The following GALNT2 variants were observed in gnomAD, a reference collection of about 807,000 sequenced individuals.
The protein encoded by GALNT2 is UDP-GalNAc:polypeptide N-acetylgalactosaminyltransferase 2.
GALNT2 carries 31 observed loss-of-function variants against 81.4 expected under a neutral mutation model. That is an observed-to-expected ratio of 0.38 (90% CI 0.29 to 0.51). The LOEUF (loss-of-function observed/expected upper bound fraction) is 0.51, where lower values mean the gene tolerates loss of function less well. Ranked by LOEUF, GALNT2 falls within the 20% of genes least tolerant of loss-of-function variation. The pLI is 0.87. For missense variants in GALNT2, 629 were observed against 765.7 expected, an observed-to-expected ratio of 0.82 and a Z score of 2.11; for synonymous variants, 303 against 287.4, an observed-to-expected ratio of 1.05 and a Z score of -0.55.
chr1:230,116,410 A>T (rs1660848583), intron 1 of GALNT2, among the ~76,000 whole-genome samples: 1 of 152,100 alleles, frequency 6.6e-6, no homozygotes, highest in South Asian at 2.1e-4. Context: ...TTGTATTTTT[A>T]GTAGAGACGG....
chr1:230,255,056 C>T (rs1045119709), intron 10 of GALNT2, among the ~76,000 whole-genome samples, 162 bp from the exon 11 acceptor site: 1 of 152,204 alleles, frequency 6.6e-6, no homozygotes, highest in Non-Finnish European at 1.5e-5. Context: ...GCATCAGGTT[C>T]TGGAAGGAGG....
chr1:230,067,545 C>G (rs1264375874), intron 1 of GALNT2, 139 bp downstream of exon 1: 7 of 290,510 alleles, frequency 2.4e-5, no homozygotes, highest in Non-Finnish European at 4.3e-5. Context: ...TCCCGGGCCT[C>G]CGCGCCGAGT....
chr1:230,095,509 C>T (rs10779824), intron 1 of GALNT2, among the ~76,000 whole-genome samples: 41,926 of 152,014 alleles, frequency 0.28, 5,824 homozygotes, highest in African/African-American at 0.32. Context: ...TGCTCTGTGA[C>T]GAGCCCCAGT....
chr1:230,186,634 T>C (rs1163588170), intron 2 of GALNT2, among the ~76,000 whole-genome samples: 2 of 152,214 alleles, frequency 1.3e-5, no homozygotes, highest in Non-Finnish European at 2.9e-5. Context: ...GGAAAAGCCA[T>C]CTTCAGGTCA....
In GALNT2 at chr1:230,070,015, C is replaced by T. The variant is rs974060358; in HGVS notation, c.126+2609C>T. On this transcript the variant is annotated intron_variant, in intron 1 of 15. Transcript: ENST00000366672. The surrounding 1 kb of genome is among the most constrained non-coding windows in gnomAD (Gnocchi z 4.7). ...CCAGGCTTGTCATTGTGTGCCCTGC[C>T]TGTTAAGTAACTCATCACAGAACTG... Among the ~76,000 whole-genome samples the T allele has an allele frequency of 1.3e-4, 20 of 152,136 alleles. No individual in the cohort carries two copies. The highest frequency in any genetic ancestry group is 4.8e-4 in the African/African-American group (20 of 41,412).
At chr1:230,206,534 C>T (rs6685193) in intron 3 of GALNT2, among the ~76,000 whole-genome samples, 18,298 of 152,152 alleles carry the variant, frequency 0.12, 2,288 homozygotes, top group African/African-American at 0.31. Flanking sequence ...CTAGAATTAC[C>T]ATTCTTGTTG....
rs1050247352 is a variant in GALNT2 at position 230,246,161 on chromosome 1, G to A, written c.817+11G>A. The A allele has an allele frequency of 6.2e-7, 1 of 1,604,308 alleles. No homozygotes were observed. Among genetic ancestry groups the A allele is most frequent in the Non-Finnish European group, 8.5e-7 (1 of 1,171,052 alleles). ...CTGACTTGAAGGGCGGTAGGTGTCT[G>A]TCATGGTGCCCCTGCCTAGCTCGTC... On this transcript the variant is annotated intron_variant, in intron 8 of 15. Transcript: ENST00000366672.
At chr1:230,217,742 T>C (rs1192806298) in intron 3 of GALNT2, among the ~76,000 whole-genome samples, 2 of 152,160 alleles carry the variant, frequency 1.3e-5, no homozygotes, top group Non-Finnish European at 2.9e-5. Context: ...AGGGGACAAA[T>C]GCTGTATCCT....
intron 6 of GALNT2, 116 bp downstream of exon 6, chr1:230,236,841 C>T (rs1414092118): frequency 9.9e-7 from 1 of 1,011,278 alleles, no homozygotes; most frequent in Non-Finnish European, 1.4e-6. Flanking sequence ...TTCTGTCTCC[C>T]TCTACCAGAG....
intron 8 of GALNT2, among the ~76,000 whole-genome samples, chr1:230,248,094 T>C (rs1433483851): frequency 6.6e-6 from 1 of 152,148 alleles, no homozygotes; most frequent in Non-Finnish European, 1.5e-5. Context: ...CTGAGGCCAC[T>C]CTATCCTGCA....
intron 1 of GALNT2, among the ~76,000 whole-genome samples, chr1:230,068,820 T>C (rs774641616): frequency 2.0e-5 from 3 of 152,178 alleles, no homozygotes; most frequent in Non-Finnish European, 4.4e-5. Flanking sequence ...ATTGTACTCT[T>C]AGCGTTGTTT....
At chr1:230,172,810 CTATT>C (rs1428541947) in intron 1 of GALNT2, among the ~76,000 whole-genome samples, 1 of 152,182 alleles carries the variant, frequency 6.6e-6, no homozygotes, top group Non-Finnish European at 1.5e-5. Context: ...GTTTCCATAA[CTATT>C]TAATAAACTC....
chr1:230,084,808 T>C (rs1365177885), intron 1 of GALNT2, among the ~76,000 whole-genome samples: 1 of 152,214 alleles, frequency 6.6e-6, no homozygotes, highest in Non-Finnish European at 1.5e-5. Context: ...GGTAACATGC[T>C]GTGGTTTGGC....
intron 1 of GALNT2, among the ~76,000 whole-genome samples, chr1:230,135,798 G>A (rs1661519062): frequency 6.6e-6 from 1 of 151,950 alleles, no homozygotes; most frequent in Non-Finnish European, 1.5e-5. Context: ...CAATCCTCTT[G>A]CTTCACCCTC....
Position 230,244,369 on chromosome 1 carries a change from G to A in GALNT2, c.729+942G>A, listed in dbSNP as rs189432753. ...TAATGCACGCAAAATCATACAGGTA[G>A]CAGAGCCAGGCTTGCAAAGCCAGTT... On this transcript the variant is annotated intron_variant, in intron 7 of 15. Coordinates refer to ENST00000366672, the MANE Select transcript of GALNT2 (RefSeq NM_004481.5). Among the ~76,000 whole-genome samples, 312 of 152,246 alleles carry A rather than the reference G, an allele frequency of 2.0e-3. 3 individuals carry two copies. The highest frequency in any genetic ancestry group is 0.01 in the Middle Eastern group (3 of 294).
chr1:230,248,195 A>G (rs1278539210), intron 8 of GALNT2, among the ~76,000 whole-genome samples: 1 of 152,244 alleles, frequency 6.6e-6, no homozygotes, highest in African/African-American at 2.4e-5. Context: ...TCCTTCAGTC[A>G]CTGGGGCTGT....
chr1:230,114,797 G>A (rs773375789), intron 1 of GALNT2, among the ~76,000 whole-genome samples: 1 of 152,140 alleles, frequency 6.6e-6, no homozygotes, highest in African/African-American at 2.4e-5. Context: ...CATGTAGAAC[G>A]TGCAAATCTG....
chr1:230,144,572 C>T (rs1661853509), intron 1 of GALNT2, among the ~76,000 whole-genome samples: 1 of 152,190 alleles, frequency 6.6e-6, no homozygotes, highest in Admixed American at 6.5e-5. Context: ...ACAATAGACG[C>T]TGTATACTCT....
intron 3 of GALNT2, among the ~76,000 whole-genome samples, chr1:230,205,476 T>C (rs999233661): frequency 6.6e-6 from 1 of 152,156 alleles, no homozygotes; most frequent in African/African-American, 2.4e-5. Context: ...CAAAAGATTG[T>C]CTTTGATTAA....
Sources: gnomAD v4.1 joint callset for allele counts (sites outside exome capture counted in the v4.1 genomes callset) on GRCh38, gnomAD v4.1.1 for gene constraint, Gnocchi (gnomAD v3.1) non-coding constraint, MANE v1.5 for transcripts, NCBI Gene and HGNC (gene_info 2026-07-23, HGNC 2026-07-21) for gene names.